The following FOCAD variants were observed in gnomAD, a reference collection of about 807,000 sequenced individuals.
FOCAD encodes the protein focadhesin.
Under a neutral mutation model 225.6 loss-of-function variants are expected in FOCAD, and 198 were observed. The observed-to-expected ratio is 0.88, with a 90% CI of 0.78 to 0.99. The LOEUF (loss-of-function observed/expected upper bound fraction) is 0.99. FOCAD is among the 50% of genes least tolerant of loss of function. The probability of loss-of-function intolerance (pLI) is 0.00; values close to 1 mark genes in which losing one functional copy is unlikely to be tolerated. For synonymous variants in FOCAD, 897 were observed against 755.0 expected, an observed-to-expected ratio of 1.19 and a Z score of -3.08; for missense variants, 2,713 against 2,123.6, an observed-to-expected ratio of 1.28 and a Z score of -5.46.
At chr9:20,938,168 G>A (rs928799746) in intron 28 of FOCAD, among the ~76,000 whole-genome samples, 1 of 152,238 alleles carries the variant, frequency 6.6e-6, no homozygotes, top group African/African-American at 2.4e-5. Flanking sequence ...GGAAGTCAGT[G>A]TGGCGATTCC....
intron 21 of FOCAD, among the ~76,000 whole-genome samples, chr9:20,891,179 T>G (rs1831581714): frequency 6.6e-6 from 1 of 152,150 alleles, no homozygotes; most frequent in African/African-American, 2.4e-5. Flanking sequence ...TTCATAAATG[T>G]TGTGTGATTT....
chr9:20,854,668 C>T (rs1434236050), intron 15 of FOCAD, among the ~76,000 whole-genome samples: 3 of 151,670 alleles, frequency 2.0e-5, no homozygotes, highest in Non-Finnish European at 3.0e-5. Context: ...TATCATTCTC[C>T]CCCAGCAACA....
intron 14 of FOCAD, among the ~76,000 whole-genome samples, chr9:20,822,469 A>G (rs17686222): frequency 0.023 from 3,452 of 152,094 alleles, 60 homozygotes; most frequent in Middle Eastern, 0.072. Flanking sequence ...TGAATTTAGC[A>G]CAGTGCCTGG....
At chr9:20,848,705 AT>A (rs2131607486) in intron 15 of FOCAD, among the ~76,000 whole-genome samples, 1 of 152,096 alleles carries the variant, frequency 6.6e-6, no homozygotes, top group South Asian at 2.1e-4. Context: ...GAAAGGAATC[AT>A]GCCGTACACA....
At chr9:20,989,031 A>T (rs906760169) in intron 41 of FOCAD, among the ~76,000 whole-genome samples, 2 of 152,228 alleles carry the variant, frequency 1.3e-5, no homozygotes, top group Non-Finnish European at 2.9e-5. Flanking sequence ...TTAAAAATAA[A>T]AGATTAATAA....
At chr9:20,950,045 T>C (rs371415713) in intron 33 of FOCAD, among the ~76,000 whole-genome samples, 1 of 152,132 alleles carries the variant, frequency 6.6e-6, no homozygotes, top group South Asian at 2.1e-4. Context: ...ATGTCCCTGA[T>C]AAAAGTGTTT....
chr9:20,719,547 T>C (rs988054623), intron 3 of FOCAD, among the ~76,000 whole-genome samples: 1 of 152,174 alleles, frequency 6.6e-6, no homozygotes. Flanking sequence ...TAAATGGACT[T>C]TATCTGCAAT....
At chr9:20,690,233 C>G (rs934111420) in intron 1 of FOCAD, among the ~76,000 whole-genome samples, 2 of 152,262 alleles carry the variant, frequency 1.3e-5, no homozygotes, top group Non-Finnish European at 2.9e-5. Flanking sequence ...AGGTCTTATT[C>G]CTTTTACCTT....
chr9:20,706,548 C>T lies in FOCAD; in HGVS notation c.-32-8774C>T, dbSNP rs10964668. ...TTGTGCAGGTCATGCCTCATGTTACCGATGGTCCAGTGGAAAGAACACTTG... is the reference window on the plus strand; with the variant it reads ...TTGTGCAGGTCATGCCTCATGTTACTGATGGTCCAGTGGAAAGAACACTTG... On this transcript the variant is annotated intron_variant, in intron 1 of 43. Transcript: ENST00000338382. Among the ~76,000 whole-genome samples the T allele has an allele frequency of 4.7e-4, 72 of 152,230 alleles. 1 individual carries two copies. The East Asian group carries it at 8.5e-3, about 18-fold the overall frequency.
intron 18 of FOCAD, among the ~76,000 whole-genome samples, chr9:20,869,162 G>A (rs560841806): frequency 6.6e-6 from 1 of 152,234 alleles, no homozygotes; most frequent in South Asian, 2.1e-4. Flanking sequence ...CTTCTGTAAT[G>A]TAAAAACTAA....
chr9:20,956,219 A>G (rs570224959), intron 35 of FOCAD, among the ~76,000 whole-genome samples: 19 of 152,312 alleles, frequency 1.2e-4, no homozygotes, highest in African/African-American at 4.1e-4. Context: ...TGCCAAGGGA[A>G]CAGACTTAGT....
At chr9:20,975,933 G>A (rs1840190878) in intron 35 of FOCAD, among the ~76,000 whole-genome samples, 1 of 152,088 alleles carries the variant, frequency 6.6e-6, no homozygotes, top group African/African-American at 2.4e-5. Flanking sequence ...CAATAATGAG[G>A]GATTGGTTAA....
chr9:20,951,005 GTC>G lies in FOCAD; in HGVS notation c.3962_3963del (p.Ser1321TrpfsTer27). On this transcript the variant is annotated frameshift_variant, in exon 34 of 44. Transcript: ENST00000338382. LOFTEE classifies it high-confidence loss of function. The part of the protein sequence containing the change: ...VIRTLTQVIS[V>X]SGVIGLQSNA... ...ACCTTTTTATTTGTAGGTCATTAGT[GTC>G]TCTGGGGTGATTGGTCTCCAGTCAA... 1 of 1,612,984 alleles carries G rather than the reference GTC, an allele frequency of 6.2e-7. No individual in the cohort carries two copies. Among genetic ancestry groups the G allele is most frequent in the Non-Finnish European group, 8.5e-7 (1 of 1,179,120 alleles).
chr9:20,950,457 G>A (rs1281266750), intron 33 of FOCAD, among the ~76,000 whole-genome samples: 4 of 151,942 alleles, frequency 2.6e-5, no homozygotes, highest in Non-Finnish European at 5.9e-5. Context: ...ACTCTTTTTT[G>A]CATGTATGAA....
chr9:20,863,455 A>G (rs1828957835), intron 16 of FOCAD: 1 of 152,130 alleles, frequency 6.6e-6, no homozygotes, highest in Non-Finnish European at 1.5e-5. Context: ...AAGATACTTC[A>G]ACTCATTCTA....
intron 1 of FOCAD, among the ~76,000 whole-genome samples, chr9:20,690,510 C>T (rs151145459): frequency 7.2e-5 from 11 of 152,220 alleles, no homozygotes; most frequent in East Asian, 5.8e-4. Flanking sequence ...ATTACTCTTA[C>T]TAAAAGTAAC....
At chr9:20,839,259 CTTTTT>C (rs71496859) in intron 15 of FOCAD, among the ~76,000 whole-genome samples, 1 of 132,780 alleles carries the variant, frequency 7.5e-6, no homozygotes. Flanking sequence ...TTCTTTCTTT[CTTTTT>C]TTTTTTTTTT....
intron 28 of FOCAD, among the ~76,000 whole-genome samples, chr9:20,935,026 G>A (rs1835825120): frequency 6.6e-6 from 1 of 152,146 alleles, no homozygotes; most frequent in Non-Finnish European, 1.5e-5. Context: ...AATCAATATT[G>A]TGATAATTAC....
intron 5 of FOCAD, among the ~76,000 whole-genome samples, chr9:20,748,278 TATC>T (rs1395909064): frequency 6.6e-6 from 1 of 152,066 alleles, no homozygotes; most frequent in Non-Finnish European, 1.5e-5. Flanking sequence ...GGACAGAACA[TATC>T]ATATAACTTT....
Sources: allele counts gnomAD v4.1 joint callset (sites outside exome capture counted in the v4.1 genomes callset), GRCh38; gene constraint gnomAD v4.1.1; transcripts MANE v1.5; gene names NCBI Gene and HGNC (gene_info 2026-07-23, HGNC 2026-07-21).